The following SGPP2 variants were observed in gnomAD, a reference collection of about 807,000 sequenced individuals.
SGPP2 encodes sphingosine-1-phosphate phosphatase 2, also known as sphingosine 1-phosphate phosphohydrolase 2.
Under a neutral mutation model 33.9 loss-of-function variants are expected in SGPP2, and 30 were observed. The observed-to-expected ratio is 0.89, with a 90% CI of 0.66 to 1.20. The LOEUF (loss-of-function observed/expected upper bound fraction) is 1.20, where lower values mean the gene tolerates loss of function less well. SGPP2 is among the 50% of genes most tolerant of loss of function. The pLI is 0.00. For missense variants in SGPP2, 458 were observed against 532.1 expected, an observed-to-expected ratio of 0.86 and a Z score of 1.37; for synonymous variants, 233 against 225.0, an observed-to-expected ratio of 1.04 and a Z score of -0.32.
chr2:222,524,820 T>A, intron 3 of SGPP2, 124 bp from the exon 4 acceptor site: 2 of 735,822 alleles, frequency 2.7e-6, no homozygotes, highest in Middle Eastern at 6.1e-4. Context: ...AGATTGCTGG[T>A]CTGGGGAATG....
At chr2:222,425,543 TG>T (rs1697052392) in intron 1 of SGPP2, among the ~76,000 whole-genome samples, 1 of 152,104 alleles carries the variant, frequency 6.6e-6, no homozygotes, top group Non-Finnish European at 1.5e-5. Flanking sequence ...CACTGCGGCT[TG>T]GGGGGAACCA....
At chr2:222,447,245 G>A (rs1286871749) in intron 1 of SGPP2, among the ~76,000 whole-genome samples, 1 of 152,160 alleles carries the variant, frequency 6.6e-6, no homozygotes, top group Non-Finnish European at 1.5e-5. Context: ...AGAAGATCTT[G>A]CCTCTGACCC....
At chr2:222,509,340 GTATAACTA>G in intron 2 of SGPP2, among the ~76,000 whole-genome samples, 1 of 152,000 alleles carries the variant, frequency 6.6e-6, no homozygotes, top group East Asian at 1.9e-4. Context: ...CCCAAAAGAT[GTATAACTA>G]TTATGTATTA....
intron 1 of SGPP2, among the ~76,000 whole-genome samples, chr2:222,443,908 G>A (rs1435470924): frequency 6.6e-6 from 1 of 152,168 alleles, no homozygotes; most frequent in Non-Finnish European, 1.5e-5. Flanking sequence ...TCTGTGAAAT[G>A]GGGAGAAATA....
At chr2:222,442,986 A>G (rs1172936996) in intron 1 of SGPP2, among the ~76,000 whole-genome samples, 2 of 152,214 alleles carry the variant, frequency 1.3e-5, no homozygotes, top group African/African-American at 4.8e-5. Flanking sequence ...ATAGTAAGGA[A>G]TGCCTCCGAA....
At chr2:222,433,666 G>A (rs145848213) in intron 1 of SGPP2, among the ~76,000 whole-genome samples, 1 of 149,808 alleles carries the variant, frequency 6.7e-6, no homozygotes, top group Non-Finnish European at 1.5e-5. Flanking sequence ...CACTTGGCCT[G>A]GCTGTGTCTT....
intron 4 of SGPP2, among the ~76,000 whole-genome samples, chr2:222,554,897 G>T (rs979705891): frequency 6.6e-6 from 1 of 152,006 alleles, no homozygotes; most frequent in Non-Finnish European, 1.5e-5. Context: ...ACTTTGTTTG[G>T]CATAAAGTTC....
chr2:222,555,632 C>T (rs1482269415), intron 4 of SGPP2, among the ~76,000 whole-genome samples: 1 of 151,876 alleles, frequency 6.6e-6, no homozygotes, highest in African/African-American at 2.4e-5. Context: ...AGAGTTGAAG[C>T]CAGGGAGCGA....
At chr2:222,479,465 C>T (rs1266675996) in intron 2 of SGPP2, among the ~76,000 whole-genome samples, 4 of 144,058 alleles carry the variant, frequency 2.8e-5, no homozygotes, top group East Asian at 2.0e-4. Context: ...TGCAGTGGCG[C>T]GATCTCGGCT....
chr2:222,438,397 C>G (rs1399774310), intron 1 of SGPP2, among the ~76,000 whole-genome samples: 1 of 152,208 alleles, frequency 6.6e-6, no homozygotes, highest in Non-Finnish European at 1.5e-5. Flanking sequence ...AGTGTGATAT[C>G]TTGCGAAAGT....
intron 4 of SGPP2, among the ~76,000 whole-genome samples, chr2:222,541,114 G>A (rs927574651): frequency 6.6e-5 from 10 of 152,202 alleles, no homozygotes; most frequent in Non-Finnish European, 1.3e-4. Context: ...ACCACGTCCG[G>A]CCAGCTTATA....
At chr2:222,534,454 T>G (rs565352161) in intron 4 of SGPP2, among the ~76,000 whole-genome samples, 2 of 61,632 alleles carry the variant, frequency 3.2e-5, no homozygotes, top group African/African-American at 6.1e-5. Flanking sequence ...ATTCATTTAT[T>G]TTTTTTTCCT....
At chr2:222,478,800 GT>G (rs34035291) in intron 2 of SGPP2, among the ~76,000 whole-genome samples, 74,099 of 151,930 alleles carry the variant, frequency 0.49, 20,271 homozygotes, top group African/African-American at 0.75. Flanking sequence ...ATTTATGGTT[GT>G]TATCAAGTGC....
chr2:222,459,142 C>CTTTTTTTTTTTTTTTTTTTTTTTTTTTT (rs1164145783), intron 1 of SGPP2, among the ~76,000 whole-genome samples: 2 of 94,462 alleles, frequency 2.1e-5, no homozygotes, highest in Non-Finnish European at 4.3e-5. Context: ...TTCTTTCTTT[C>CTTTTTTTTTTTTTTTTTTTTTTTTTTTT]TTTTTTTTTT....
chr2:222,534,137 T>C (rs1698879958), intron 4 of SGPP2, among the ~76,000 whole-genome samples: 1 of 152,222 alleles, frequency 6.6e-6, no homozygotes, highest in Non-Finnish European at 1.5e-5. Flanking sequence ...AATGTGGACC[T>C]AATATTGTGT....
At chr2:222,542,364 C>T (rs1194195036) in intron 4 of SGPP2, among the ~76,000 whole-genome samples, 1 of 152,208 alleles carries the variant, frequency 6.6e-6, no homozygotes, top group East Asian at 1.9e-4. Context: ...ATAAATGACA[C>T]TACCCCAAAC....
intron 4 of SGPP2, among the ~76,000 whole-genome samples, chr2:222,541,225 T>A (rs899695459): frequency 1.3e-5 from 2 of 152,194 alleles, no homozygotes; most frequent in African/African-American, 2.4e-5. Context: ...AAGTTAACTG[T>A]GGCAAGTGTG....
At chr2:222,540,863 A>C (rs1209199603) in intron 4 of SGPP2, among the ~76,000 whole-genome samples, 1 of 122,204 alleles carries the variant, frequency 8.2e-6, no homozygotes, top group Non-Finnish European at 1.6e-5. Flanking sequence ...TGTGTCGCCC[A>C]GGCTGGAGTA....
intron 4 of SGPP2, among the ~76,000 whole-genome samples, chr2:222,555,445 GTTTTT>G (rs57228014): frequency 1.2e-5 from 1 of 85,860 alleles, no homozygotes; most frequent in Non-Finnish European, 2.3e-5. Context: ...TCTTTTATCC[GTTTTT>G]TTTTTTTTTT....
Sources: gnomAD v4.1 joint callset for allele counts (sites outside exome capture counted in the v4.1 genomes callset) on GRCh38, gnomAD v4.1.1 for gene constraint, MANE v1.5 for transcripts, NCBI Gene and HGNC (gene_info 2026-07-23, HGNC 2026-07-21) for gene names.